ARID1B: variants seen among roughly 807,000 people sequenced by gnomAD.
ARID1B encodes the protein AT-rich interactive domain-containing protein 1B.
A neutral mutation model predicts 212.3 loss-of-function variants in ARID1B; 30 were observed. The ratio of observed to expected loss-of-function variants is 0.14; its 90% CI spans 0.11 to 0.19. ARID1B has a LOEUF of 0.19. Ranked by LOEUF, ARID1B falls within the 10% of genes least tolerant of loss-of-function variation. The probability of loss-of-function intolerance (pLI) is 1.00; values close to 1 mark genes in which losing one functional copy is unlikely to be tolerated. For synonymous variants in ARID1B, 1,402 were observed against 1,301.7 expected, an observed-to-expected ratio of 1.08 and a Z score of -1.66; for missense variants, 2,891 against 3,204.0, an observed-to-expected ratio of 0.90 and a Z score of 2.36.
chr6:157,058,562 G>T (rs1783125125), intron 4 of ARID1B, among the ~76,000 whole-genome samples: 1 of 152,220 alleles, frequency 6.6e-6, no homozygotes, highest in Admixed American at 6.5e-5. Flanking sequence ...ACCGCGCCCA[G>T]CCCTACTTTA....
intron 4 of ARID1B, among the ~76,000 whole-genome samples, chr6:157,031,464 T>G (rs951843872): frequency 1.3e-5 from 2 of 152,236 alleles, no homozygotes; most frequent in Admixed American, 6.5e-5. Context: ...TTATTGTGAC[T>G]GGAAATTTAA....
chr6:157,174,336 G>C (rs577154987), intron 10 of ARID1B: 42 of 474,408 alleles, frequency 8.9e-5, no homozygotes, highest in African/African-American at 8.1e-4. Context: ...CTCACGGTTG[G>C]GGGAGAGGGG....
At chr6:156,933,878 G>A (rs77881109) in intron 3 of ARID1B, among the ~76,000 whole-genome samples, 6,271 of 152,190 alleles carry the variant, frequency 0.041, 315 homozygotes, top group East Asian at 0.23. Context: ...AAAGCAGGTC[G>A]CACCAACACT....
chr6:157,150,173 C>CTTT (rs990803830), intron 8 of ARID1B: 1 of 152,084 alleles, frequency 6.6e-6, no homozygotes, highest in Admixed American at 6.5e-5. Context: ...AAGTTATTTT[C>CTTT]TTTTTTTAAG....
At chr6:156,828,014 G>A (rs1782873527) in intron 1 of ARID1B, among the ~76,000 whole-genome samples, 1 of 150,378 alleles carries the variant, frequency 6.6e-6, no homozygotes, top group Non-Finnish European at 1.5e-5. Context: ...GCCCGTCTTG[G>A]CCTCCCAAAG....
intron 9 of ARID1B, 31 bp downstream of exon 9, chr6:157,167,216 CCT>C (rs1309061843): frequency 3.1e-6 from 5 of 1,591,726 alleles, no homozygotes; most frequent in East Asian, 2.3e-5. Context: ...CTCCTGAGCC[CCT>C]CTCTCTCCCC....
chr6:157,069,520 A>T (rs1041717398), intron 4 of ARID1B, among the ~76,000 whole-genome samples: 2 of 152,120 alleles, frequency 1.3e-5, no homozygotes, highest in African/African-American at 4.8e-5. Flanking sequence ...CTCTGGCAAA[A>T]CCCACTTTTC....
At chr6:157,044,876 A>G (rs573796277) in intron 4 of ARID1B, among the ~76,000 whole-genome samples, 2 of 152,348 alleles carry the variant, frequency 1.3e-5, no homozygotes, top group East Asian at 1.9e-4. Context: ...AGAGGCGTCC[A>G]TCTTAACAAT....
chr6:157,101,459 G>T (rs1466712716), intron 5 of ARID1B, among the ~76,000 whole-genome samples: 1 of 152,128 alleles, frequency 6.6e-6, no homozygotes, highest in Non-Finnish European at 1.5e-5. Flanking sequence ...TATGAAGAGG[G>T]CCCAAGTACT....
intron 4 of ARID1B, chr6:156,936,323 CA>C: frequency 8.9e-6 from 1 of 112,744 alleles, no homozygotes; most frequent in Non-Finnish European, 1.7e-5. Flanking sequence ...GCCTGGGCAA[CA>C]AGAGCGAAAC....
intron 4 of ARID1B, among the ~76,000 whole-genome samples, chr6:157,066,791 A>C (rs569028155): frequency 6.6e-6 from 1 of 152,338 alleles, no homozygotes; most frequent in African/African-American, 2.4e-5. Flanking sequence ...TGAATTATTA[A>C]ATGATTTTAA....
intron 2 of ARID1B, among the ~76,000 whole-genome samples, chr6:156,864,942 A>T (rs899524285): frequency 1.1e-4 from 17 of 152,254 alleles, no homozygotes; most frequent in East Asian, 9.6e-4. Context: ...AATTTTTTTT[A>T]AATTTTCTAT....
chr6:157,044,327 T>G (rs1201609756), intron 4 of ARID1B, among the ~76,000 whole-genome samples: 1 of 138,986 alleles, frequency 7.2e-6, no homozygotes, highest in African/African-American at 2.7e-5. Flanking sequence ...GAGGATCATA[T>G]TTGGCAGTGA....
At chr6:157,135,994 C>T (rs975207743) in intron 7 of ARID1B, among the ~76,000 whole-genome samples, 3 of 152,078 alleles carry the variant, frequency 2.0e-5, no homozygotes, top group African/African-American at 4.8e-5. Flanking sequence ...ATTTCACAGC[C>T]GTTTTACTCA....
chr6:156,898,701 G>A (rs1788685506), intron 2 of ARID1B, among the ~76,000 whole-genome samples: 1 of 152,216 alleles, frequency 6.6e-6, no homozygotes, highest in African/African-American at 2.4e-5. Flanking sequence ...GCAGGGTGCG[G>A]TGACTCACAT....
At chr6:157,038,888 A>G (rs915790060) in intron 4 of ARID1B, among the ~76,000 whole-genome samples, 2 of 151,266 alleles carry the variant, frequency 1.3e-5, no homozygotes, top group African/African-American at 2.4e-5. Context: ...CCAACCTAAC[A>G]GGTTCCTTTT....
intron 2 of ARID1B, among the ~76,000 whole-genome samples, chr6:156,837,693 A>G (rs577596564): frequency 6.6e-6 from 1 of 152,300 alleles, no homozygotes; most frequent in African/African-American, 2.4e-5. Context: ...TTGTGAATGA[A>G]ATTAAGAAAA....
rs1793288966 is a variant in ARID1B, at chr6:157,190,597, AG to A, written c.4231+388del. On this transcript the variant is annotated intron_variant, in intron 15 of 19. Transcript: ENST00000636930. This position sits in a 1 kb window ranked among gnomAD's most constrained non-coding sequence, Gnocchi z 4.6. ...AGAAGAGTGGCTGGCAGCCGCGGTA[AG>A]TAAGCACGCACTTCACGGCACTTGG... is the stretch of plus-strand genomic sequence containing the variant. 6.6e-6 allele frequency among the ~76,000 whole-genome samples: 1 copy of A among 152,240 alleles called. No homozygotes were observed. Among genetic ancestry groups the A allele is most frequent in the Non-Finnish European group, 1.5e-5 (1 of 68,038 alleles).
Position 156,842,859 on chromosome 6 carries a change from G to T in ARID1B, c.1986+13438G>T, listed in dbSNP as rs1272652632. Among the ~76,000 whole-genome samples the T allele has an allele frequency of 3.3e-5, 5 of 152,192 alleles. No homozygotes were observed. The South Asian group carries it at 6.2e-4, about 19-fold the overall frequency. ...GTAAGTAATACTACTCACTTTGCCA[G>T]TGGGGAAACAGAGGTTAGGTAGCTT... On this transcript the variant is annotated intron_variant, in intron 2 of 19. Transcript: ENST00000636930.
Sources: gnomAD v4.1 joint callset for allele counts (sites outside exome capture counted in the v4.1 genomes callset) on GRCh38, gnomAD v4.1.1 for gene constraint, Gnocchi (gnomAD v3.1) non-coding constraint, MANE v1.5 for transcripts, NCBI Gene and HGNC (gene_info 2026-07-23, HGNC 2026-07-21) for gene names.